The following DCUN1D2 variants were observed in gnomAD, a reference collection of about 807,000 sequenced individuals.
DCUN1D2 encodes the protein defective in cullin neddylation 1 domain containing 2.
Under a neutral mutation model 30.9 loss-of-function variants are expected in DCUN1D2, and 29 were observed. The ratio of observed to expected loss-of-function variants is 0.94; its 90% CI spans 0.70 to 1.28. DCUN1D2 has a LOEUF of 1.28. Ranked by LOEUF, DCUN1D2 falls within the 50% of genes most tolerant of loss-of-function variation. The pLI is 0.00. For synonymous variants in DCUN1D2, 121 were observed against 115.3 expected (o/e 1.05, Z -0.32); for missense variants, 325 against 316.9 (o/e 1.03, Z -0.19).
intron 5 of DCUN1D2, 136 bp downstream of exon 5, chr13:113,460,918 T>A (rs745999595): frequency 3.3e-6 from 2 of 597,760 alleles, no homozygotes; most frequent in Non-Finnish European, 5.8e-6. Flanking sequence ...TGTCTGGACC[T>A]GCGGATCTTT....
At chr13:113,487,571 A>G (rs1233586464) in intron 1 of DCUN1D2, among the ~76,000 whole-genome samples, 4 of 152,196 alleles carry the variant, frequency 2.6e-5, no homozygotes, top group African/African-American at 9.7e-5. Context: ...CCAGCCGCAC[A>G]GTGCATGAGT....
rs994747983 is a variant in DCUN1D2 at position 113,457,673 on chromosome 13, C to T, written c.*356G>A. 5.9e-5 allele frequency: 10 copies of T among 168,530 alleles called. No homozygotes were observed. Among genetic ancestry groups the T allele is most frequent in the South Asian group, 2.0e-4 (1 of 5,010 alleles). 10.4% of individuals were successfully genotyped at this position (168,530 alleles called of 1,614,324 possible). The stretch of plus-strand genomic sequence containing the variant: ...GCAACGTCATTCGGCGGGACGCTGC[C>T]GGACGCTGGTTCGCCTGACGCGCGA... On this transcript the variant is annotated 3_prime_UTR_variant, in exon 7 of 7. Transcript: ENST00000478244.
intron 6 of DCUN1D2, 51 bp from the exon 7 acceptor site, chr13:113,458,159 C>G (rs2044256783): frequency 6.9e-7 from 1 of 1,451,012 alleles, no homozygotes; most frequent in East Asian, 2.3e-5. Context: ...GTTTTTATCT[C>G]CAAAGCACTG....
In DCUN1D2 at chr13:113,483,994, G is replaced by A. The variant is rs1192569272; in HGVS notation, c.66C>T (p.Gly22=). 9.3e-6 allele frequency: 15 copies of A among 1,614,018 alleles called. No individual in the cohort carries two copies. Among genetic ancestry groups the A allele is most frequent in the Admixed American group, 1.7e-5 (1 of 60,012 alleles). Reference sequence around the variant, plus strand: ...TTAAGCAGTAGATAGCAGTTCTCTCGCCAGCCTGAGTGCACGCCATAAACT... The same window carrying A: ...TTAAGCAGTAGATAGCAGTTCTCTCACCAGCCTGAGTGCACGCCATAAACT... ...VRQFMACTQA[G]ERTAIYCLTQ... is the part of the protein sequence containing the mutation. The change falls in exon 2 of 7, where the codon GGC becomes GGT. Residue 22 remains glycine, a synonymous_variant. Transcript: ENST00000478244.
intron 4 of DCUN1D2, among the ~76,000 whole-genome samples, chr13:113,466,327 T>C (rs1348856574): frequency 6.6e-6 from 1 of 152,180 alleles, no homozygotes; most frequent in Non-Finnish European, 1.5e-5. Flanking sequence ...ATAGCAAAGA[T>C]AAAAAATAAA....
In DCUN1D2 at chr13:113,479,338, C is replaced by T. The variant is rs146968025; in HGVS notation, c.389+1237G>A. Among the ~76,000 whole-genome samples the T allele has an allele frequency of 2.6e-5, 4 of 152,208 alleles. No individual in the cohort carries two copies. The East Asian group carries it at 5.8e-4, about 22-fold the overall frequency. On this transcript the variant is annotated intron_variant, in intron 3 of 6. Coordinates refer to ENST00000478244, the MANE Select transcript of DCUN1D2 (RefSeq NM_001014283.2). ...ATACATAAAAACGTAAGTGTGACTG[C>T]CTTCTTGGTGAGATAAGCCCTTTAT...
intron 3 of DCUN1D2, among the ~76,000 whole-genome samples, chr13:113,479,947 T>C (rs767910201): frequency 3.6e-4 from 55 of 152,172 alleles, no homozygotes; most frequent in Non-Finnish European, 6.6e-4. Context: ...GGCTGGGATG[T>C]AGGAATTTTT....
At chr13:113,469,236 A>G (rs536080955) in intron 4 of DCUN1D2, among the ~76,000 whole-genome samples, 2 of 152,252 alleles carry the variant, frequency 1.3e-5, no homozygotes, top group Admixed American at 1.3e-4. Flanking sequence ...CTGAAAGACT[A>G]GGAAAACTAA....
In DCUN1D2 at chr13:113,458,090, A is replaced by G. The variant is rs367785299; in HGVS notation, c.719T>C (p.Ile240Thr). 1.3e-5 allele frequency: 21 copies of G among 1,614,070 alleles called. No individual in the cohort carries two copies. The highest frequency in any genetic ancestry group is 1.6e-4 in the Middle Eastern group (1 of 6,084). ...YDEEGAWPVL[I>T]DDFVEYARPV... is the part of the protein sequence containing the mutation. Reference sequence around the variant, plus strand: ...CCGTGCATATTCTACAAAATCATCTATAAGAACGGGCCAAGCTCCTAAAGG... The same window carrying G: ...CCGTGCATATTCTACAAAATCATCTGTAAGAACGGGCCAAGCTCCTAAAGG... Residue 240 changes from isoleucine to threonine, a missense_variant, in exon 7 of 7, where the codon ATA (isoleucine) becomes ACA (threonine). Physicochemically the swap from Ile to Thr is moderately conservative, Grantham distance 89. Transcript: ENST00000478244.
chr13:113,467,059 C>T (rs528109092), intron 4 of DCUN1D2, among the ~76,000 whole-genome samples: 11 of 152,168 alleles, frequency 7.2e-5, no homozygotes, highest in South Asian at 2.1e-4. Flanking sequence ...CCGCCCGCCT[C>T]GGCCTCCCAA....
chr13:113,470,970 GGGACCCAACTCTACAGA>G (rs2044499378), intron 4 of DCUN1D2, among the ~76,000 whole-genome samples: 13 of 107,732 alleles, frequency 1.2e-4, no homozygotes, highest in East Asian at 8.9e-4. Flanking sequence ...AACTCCACAG[GGGACCCAACTCTACAGA>G]GGACCCAACT....
At chr13:113,461,667 G>A (rs928672354) in intron 4 of DCUN1D2, among the ~76,000 whole-genome samples, 3 of 152,188 alleles carry the variant, frequency 2.0e-5, no homozygotes, top group East Asian at 1.9e-4. Flanking sequence ...AAGTCAAATC[G>A]GCAGCTAGCA....
At chr13:113,478,855 T>C (rs2044659930) in intron 3 of DCUN1D2, 1 of 152,170 alleles carries the variant, frequency 6.6e-6, no homozygotes, top group Non-Finnish European at 1.5e-5. Flanking sequence ...CAGTTTATTG[T>C]CAATTTTTAT....
chr13:113,461,079 A>C lies in DCUN1D2; in HGVS notation c.578T>G (p.Leu193Ter). 1 of 1,610,346 alleles carries C rather than the reference A, an allele frequency of 6.2e-7. No homozygotes were observed. The highest frequency in any genetic ancestry group is 8.5e-7 in the Non-Finnish European group (1 of 1,177,300). Residue 193 changes from leucine (L) to a stop codon, truncating the protein, a stop_gained, in exon 5 of 7, where the codon TTA becomes TGA. Coordinates refer to ENST00000478244, the MANE Select transcript of DCUN1D2 (RefSeq NM_001014283.2). LOFTEE classifies it high-confidence loss of function. ...KLVLSGRFKFLDLWNTFLMEH... is the reference protein window; with the variant it reads ...KLVLSGRFKF ...CATTAAGAATGTGTTCCAGAGATCT[A>C]AAAATTTAAACCTTCCAGATAACAC... is the stretch of plus-strand genomic sequence containing the variant.
Position 113,490,507 on chromosome 13 carries a change from G to T in DCUN1D2, c.3+160C>A. The T allele has an allele frequency of 1.3e-6, 1 of 786,148 alleles. No individual in the cohort carries two copies. Among genetic ancestry groups the T allele is most frequent in the Non-Finnish European group, 1.7e-6 (1 of 583,560 alleles). 48.7% of individuals were successfully genotyped at this position (786,148 alleles called of 1,614,324 possible). Reference sequence around the variant, plus strand: ...CCGCGCCTCCGACGCCACCGCTCCGGCTCGCGGGCCCGCGGCGCGTTCCTC... The same window carrying T: ...CCGCGCCTCCGACGCCACCGCTCCGTCTCGCGGGCCCGCGGCGCGTTCCTC... On this transcript the variant is annotated intron_variant, in intron 1 of 6. Coordinates refer to ENST00000478244, the MANE Select transcript of DCUN1D2 (RefSeq NM_001014283.2). This position sits in a 1 kb window ranked among gnomAD's most constrained non-coding sequence, Gnocchi z 5.2.
intron 4 of DCUN1D2, among the ~76,000 whole-genome samples, chr13:113,473,774 A>G (rs1224648032): frequency 1.3e-5 from 2 of 152,230 alleles, no homozygotes; most frequent in Non-Finnish European, 2.9e-5. Flanking sequence ...AGTGGGAAGA[A>G]TGCCTGAGCT....
intron 3 of DCUN1D2, 29 bp from the exon 4 acceptor site, chr13:113,474,283 C>T (rs1313715714): frequency 1.9e-6 from 3 of 1,609,954 alleles, no homozygotes; most frequent in Admixed American, 3.3e-5. Context: ...GTTTGTCTTG[C>T]AGCAGATGCG....
intron 6 of DCUN1D2, among the ~76,000 whole-genome samples, chr13:113,458,725 C>A (rs549072883): frequency 6.6e-6 from 1 of 152,308 alleles, no homozygotes; most frequent in South Asian, 2.1e-4. Flanking sequence ...GTAAACCACC[C>A]GTTAAAGGCA....
intron 5 of DCUN1D2, among the ~76,000 whole-genome samples, chr13:113,460,233 C>A (rs1408722558): frequency 6.6e-6 from 1 of 152,250 alleles, no homozygotes; most frequent in Non-Finnish European, 1.5e-5. Flanking sequence ...GCCACACTCT[C>A]TGGGTACCAT....
Sources: allele counts gnomAD v4.1 joint callset (sites outside exome capture counted in the v4.1 genomes callset), GRCh38; gene constraint gnomAD v4.1.1; non-coding constraint Gnocchi (gnomAD v3.1); transcripts MANE v1.5; gene names NCBI Gene and HGNC (gene_info 2026-07-23, HGNC 2026-07-21).